The following RSPH4A variants were observed in gnomAD, a reference collection of about 807,000 sequenced individuals.
RSPH4A encodes radial spoke head component 4A.
Under a neutral mutation model 71.0 loss-of-function variants are expected in RSPH4A, and 47 were observed. That is an observed-to-expected ratio of 0.66 (90% CI 0.52 to 0.84). RSPH4A has a LOEUF of 0.84. RSPH4A is among the 40% of genes least tolerant of loss of function. The pLI, the probability that RSPH4A is intolerant of heterozygous loss-of-function variation, is 0.00. For synonymous variants in RSPH4A, 282 were observed against 302.3 expected (o/e 0.93, Z 0.70); for missense variants, 793 against 855.2 (o/e 0.93, Z 0.91).
intron 5 of RSPH4A, among the ~76,000 whole-genome samples, chr6:116,631,528 G>A (rs1392579689): frequency 6.6e-6 from 1 of 152,172 alleles, no homozygotes; most frequent in East Asian, 1.9e-4. Flanking sequence ...GAGACCAAGA[G>A]GAGGATGAGA....
intron 2 of RSPH4A, among the ~76,000 whole-genome samples, chr6:116,624,372 G>C (rs934759651): frequency 2.0e-5 from 3 of 152,218 alleles, no homozygotes; most frequent in African/African-American, 7.2e-5. Context: ...TCTCATACAG[G>C]AGTTAATCAA....
intron 2 of RSPH4A, among the ~76,000 whole-genome samples, chr6:116,627,148 TATAA>T (rs2115360898): frequency 6.6e-6 from 1 of 152,362 alleles, no homozygotes; most frequent in African/African-American, 2.4e-5. Flanking sequence ...AAGCTACATT[TATAA>T]ATAATGAGAG....
chr6:116,617,737 C>G (rs1436974974), intron 1 of RSPH4A, among the ~76,000 whole-genome samples: 1 of 152,082 alleles, frequency 6.6e-6, no homozygotes, highest in Non-Finnish European at 1.5e-5. Flanking sequence ...GTTCCCAACC[C>G]AGGCAGTGCT....
In RSPH4A at chr6:116,630,518, C is replaced by T; in HGVS notation, c.1882C>T (p.Leu628Phe). 6.2e-7 allele frequency: 1 copy of T among 1,605,758 alleles called. No homozygotes were observed. The highest frequency in any genetic ancestry group is 8.5e-7 in the Non-Finnish European group (1 of 1,172,556). ...QYAIAVLQSN[L>F]WPGAYAFSNG... ...TGCTATTGCAGTCCTTCAATCCAACCTTTGGCCTGGAGCATATGCCTTCTC... is the reference window on the plus strand; with the variant it reads ...TGCTATTGCAGTCCTTCAATCCAACTTTTGGCCTGGAGCATATGCCTTCTC... Residue 628 changes from leucine to phenylalanine, a missense_variant, in exon 5 of 6, where the codon CTT becomes TTT. Coordinates refer to ENST00000229554, the MANE Select transcript of RSPH4A (RefSeq NM_001010892.3).
intron 1 of RSPH4A, among the ~76,000 whole-genome samples, chr6:116,617,514 T>A (rs1441143459): frequency 5.4e-5 from 8 of 147,734 alleles, no homozygotes; most frequent in Admixed American, 3.4e-4. Context: ...TTCTTAACCT[T>A]TTTTTTTTTT....
In RSPH4A at chr6:116,616,747, C is replaced by A. The variant is rs1775509503; in HGVS notation, c.124C>A (p.Pro42Thr). 6.2e-7 allele frequency: 1 copy of A among 1,614,026 alleles called. No homozygotes were observed. The highest frequency in any genetic ancestry group is 1.7e-5 in the Admixed American group (1 of 60,012). Residue 42 changes from proline (P) to threonine (T), a missense_variant, in exon 1 of 6, where the codon CCC becomes ACC. Transcript: ENST00000229554. ...PQYSEPESSE[P>T]LEAKQGPETG... is the part of the protein sequence containing the mutation. ...ATATTCTGAGCCTGAGTCGTCTGAG[C>A]CCTTGGAGGCGAAGCAGGGGCCAGA...
At chr6:116,630,116 T>C (rs923337770) in intron 4 of RSPH4A, among the ~76,000 whole-genome samples, 2 of 152,248 alleles carry the variant, frequency 1.3e-5, no homozygotes, top group African/African-American at 4.8e-5. Context: ...CCCTTGATCT[T>C]ATTCATATTA....
rs1374459271 is a variant in RSPH4A, at chr6:116,616,955, A to C, written c.332A>C (p.Asp111Ala). The C allele has an allele frequency of 1.2e-5, 19 of 1,614,206 alleles. No homozygotes were observed. Among genetic ancestry groups the C allele is most frequent in the Non-Finnish European group, 1.5e-5 (18 of 1,180,032 alleles). Residue 111 changes from aspartate to alanine, a missense_variant, in exon 1 of 6, where the codon GAC (aspartate) becomes GCC (alanine). Transcript: ENST00000229554. The part of the protein sequence containing the change: ...RQDLAAPPQS[D>A]RTTSVIPEAG... ...GACCTCGCGGCACCACCTCAGTCGG[A>C]CAGGACCACGAGTGTGATTCCTGAA...
At chr6:116,626,345 T>TTTTTTC (rs373301262) in intron 2 of RSPH4A, among the ~76,000 whole-genome samples, 13 of 152,264 alleles carry the variant, frequency 8.5e-5, no homozygotes, top group Non-Finnish European at 1.5e-4. Flanking sequence ...ATGTGTTTCT[T>TTTTTTC]TTTTTCTTTT....
chr6:116,629,285 C>G (rs1459796046), intron 3 of RSPH4A, among the ~76,000 whole-genome samples: 1 of 152,130 alleles, frequency 6.6e-6, no homozygotes, highest in Non-Finnish European at 1.5e-5. Flanking sequence ...TACACTCTTA[C>G]CTTTTTCACT....
At chr6:116,626,218 T>C (rs936450326) in intron 2 of RSPH4A, among the ~76,000 whole-genome samples, 1 of 152,236 alleles carries the variant, frequency 6.6e-6, no homozygotes, top group African/African-American at 2.4e-5. Context: ...ACTACAATTA[T>C]AAGAGCATAT....
rs9488988 is a variant in RSPH4A at position 116,623,233 on chromosome 6, G to T, written c.921+231G>T. 0.027 allele frequency among the ~76,000 whole-genome samples: 4,178 copies of T among 152,016 alleles called. 198 individuals carry two copies. The highest frequency in any genetic ancestry group is 0.094 in the African/African-American group (3,886 of 41,436). The stretch of plus-strand genomic sequence containing the variant: ...CCTGAGTAGCTGGGACTTCAGGCAC[G>T]TGCCACCATGCCCAGCTAATTTTTG... On this transcript the variant is annotated intron_variant, in intron 2 of 5. Transcript: ENST00000229554.
At chr6:116,631,311 TGA>T (rs1454198181) in intron 5 of RSPH4A, among the ~76,000 whole-genome samples, 1 of 152,186 alleles carries the variant, frequency 6.6e-6, no homozygotes, top group East Asian at 1.9e-4. Context: ...AAGCTAAAAA[TGA>T]GAGTTAAGCC....
chr6:116,621,015 C>T (rs1156333197), intron 1 of RSPH4A, among the ~76,000 whole-genome samples: 2 of 152,070 alleles, frequency 1.3e-5, no homozygotes, highest in African/African-American at 4.8e-5. Context: ...CCTGCCACCA[C>T]ACCTGACTAA....
chr6:116,622,358 G>T (rs1421474960), intron 1 of RSPH4A, among the ~76,000 whole-genome samples: 1 of 152,152 alleles, frequency 6.6e-6, no homozygotes, highest in African/African-American at 2.4e-5. Flanking sequence ...ATAACCAAAA[G>T]ATTGTAATTT....
At chr6:116,623,174 C>T (rs1457774317) in intron 2 of RSPH4A, among the ~76,000 whole-genome samples, 172 bp downstream of exon 2, 1 of 152,104 alleles carries the variant, frequency 6.6e-6, no homozygotes, top group Non-Finnish European at 1.5e-5. Flanking sequence ...TCTTGGCTCA[C>T]TGCAGCCTCT....
Position 116,616,722 on chromosome 6 carries a change from A to C in RSPH4A, c.99A>C (p.Gln33His). 6.2e-7 allele frequency: 1 copy of C among 1,614,126 alleles called. No individual in the cohort carries two copies. The highest frequency in any genetic ancestry group is 8.5e-7 in the Non-Finnish European group (1 of 1,180,018). Residue 33 changes from glutamine to histidine, a missense_variant, in exon 1 of 6, where the codon CAA (glutamine) becomes CAC (histidine). Transcript: ENST00000229554. ...AAGGAAAGACAGCAGCTTCTCCCCAATATTCTGAGCCTGAGTCGTCTGAGC... is the reference window on the plus strand; with the variant it reads ...AAGGAAAGACAGCAGCTTCTCCCCACTATTCTGAGCCTGAGTCGTCTGAGC... ...PWEGKTAASP[Q>H]YSEPESSEPL...
chr6:116,619,968 C>T (rs758292630), intron 1 of RSPH4A, among the ~76,000 whole-genome samples: 6 of 152,220 alleles, frequency 3.9e-5, no homozygotes, highest in Non-Finnish European at 7.3e-5. Flanking sequence ...ATCTGCCTGC[C>T]TCGGCCTCCC....
At chr6:116,625,375 A>G (rs570918681) in intron 2 of RSPH4A, among the ~76,000 whole-genome samples, 1 of 152,326 alleles carries the variant, frequency 6.6e-6, no homozygotes, top group South Asian at 2.1e-4. Context: ...GGAAAAGTCG[A>G]TTGTGGGTTT....
Sources: allele counts gnomAD v4.1 joint callset (sites outside exome capture counted in the v4.1 genomes callset), GRCh38; gene constraint gnomAD v4.1.1; transcripts MANE v1.5; gene names NCBI Gene and HGNC (gene_info 2026-07-23, HGNC 2026-07-21).